The following YLPM1 variants were observed in gnomAD, a reference collection of about 807,000 sequenced individuals.
YLPM1 encodes YLP motif containing 1.
YLPM1 carries 99 observed loss-of-function variants against 230.0 expected under a neutral mutation model. That is an observed-to-expected ratio of 0.43 (90% CI 0.37 to 0.51). The LOEUF is 0.51. YLPM1 is among the 20% of genes least tolerant of loss of function. The pLI, the probability that YLPM1 is intolerant of heterozygous loss-of-function variation, is 0.00. For missense variants in YLPM1, 2,592 were observed against 2,707.7 expected (o/e 0.96, Z 0.95); for synonymous variants, 984 against 942.5 (o/e 1.04, Z -0.81).
chr14:74,836,744 A>G lies in YLPM1; in HGVS notation c.*1006A>G, dbSNP rs948410578. The G allele has an allele frequency of 5.9e-5, 9 of 152,634 alleles. No homozygotes were observed. Among genetic ancestry groups the G allele is most frequent in the African/African-American group, 1.7e-4 (7 of 41,460 alleles). 9.5% of individuals were successfully genotyped at this position (152,634 alleles called of 1,614,324 possible). The stretch of plus-strand genomic sequence containing the variant: ...AACCTTTAAGCCTGTCAGGTTTTCA[A>G]GTTCTTGCCAGATTGTTCATTACTG... On this transcript the variant is annotated 3_prime_UTR_variant, in exon 21 of 21. Coordinates refer to ENST00000325680, the MANE Select transcript of YLPM1 (RefSeq NM_019589.3).
intron 9 of YLPM1, among the ~76,000 whole-genome samples, chr14:74,811,005 T>G (rs2091428990): frequency 6.6e-6 from 1 of 151,898 alleles, no homozygotes; most frequent in South Asian, 2.1e-4. Flanking sequence ...TTTTTTGTTT[T>G]TGATGACGAT....
chr14:74,808,204 T>C (rs1180140444), intron 6 of YLPM1, among the ~76,000 whole-genome samples: 1 of 152,264 alleles, frequency 6.6e-6, no homozygotes, highest in Non-Finnish European at 1.5e-5. Flanking sequence ...AGATTTGCCT[T>C]TCTGGGCATT....
At chr14:74,778,304 CTTAT>C (rs1480697968) in intron 1 of YLPM1, 139 bp from the exon 2 acceptor site, 6 of 681,298 alleles carry the variant, frequency 8.8e-6, no homozygotes, top group South Asian at 6.6e-5. Flanking sequence ...ATCTTGTTAA[CTTAT>C]TTGTCTTCCT....
intron 4 of YLPM1, among the ~76,000 whole-genome samples, chr14:74,784,698 C>T (rs1182113198): frequency 6.6e-6 from 1 of 152,208 alleles, no homozygotes; most frequent in Non-Finnish European, 1.5e-5. Context: ...TCTGTTGATT[C>T]TAGATTTGCC....
rs183798772 is a variant in YLPM1 at position 74,802,694 on chromosome 14, C to T, written c.4521+18C>T. 2 of 1,576,612 alleles carry T rather than the reference C, an allele frequency of 1.3e-6. No homozygotes were observed. The highest frequency in any genetic ancestry group is 1.7e-6 in the Non-Finnish European group (2 of 1,164,044). On this transcript the variant is annotated intron_variant, in intron 6 of 20. Transcript: ENST00000325680. ...TGTATCCGGTATGGGAGAATGTGTG[C>T]TCAGAAAATGAAATGGTTTCTACTT...
Position 74,798,202 on chromosome 14 carries a change from A to T in YLPM1, c.2905A>T (p.Thr969Ser). 1 of 1,614,014 alleles carries T rather than the reference A, an allele frequency of 6.2e-7. No individual in the cohort carries two copies. The highest frequency in any genetic ancestry group is 8.5e-7 in the Non-Finnish European group (1 of 1,179,892). Residue 969 changes from threonine to serine, a missense_variant, in exon 5 of 21, where the codon ACA (threonine) becomes TCA (serine). By Grantham distance (58) the Thr-to-Ser change is moderately conservative. Coordinates refer to ENST00000325680, the MANE Select transcript of YLPM1 (RefSeq NM_019589.3). ...AAAAACAGGGGGGATGGAGGGAGGA[A>T]CAGCAGTAGCAACATCATCATTAAC... ...PSKTGGMEGG[T>S]AVATSSLTAD...
chr14:74,822,644 CA>C, intron 17 of YLPM1, among the ~76,000 whole-genome samples: 1 of 152,200 alleles, frequency 6.6e-6, no homozygotes, highest in Non-Finnish European at 1.5e-5. Flanking sequence ...TTAACCCATT[CA>C]AAGATGCAGA....
At position 74,826,458 on chromosome 14, in the gene YLPM1, G is replaced by A. The variant is rs534841740; in HGVS notation, c.6163+2151G>A. 2.0e-5 allele frequency among the ~76,000 whole-genome samples: 3 copies of A among 152,272 alleles called. No homozygotes were observed. In the South Asian group the frequency reaches 6.2e-4, roughly 32 times the overall value. ...CTCTTGGAAAATGATTATACTGGGT[G>A]GAAATGTATTAAGTTTTAGCAGTGT... On this transcript the variant is annotated intron_variant, in intron 18 of 20. Transcript: ENST00000325680.
intron 6 of YLPM1, among the ~76,000 whole-genome samples, chr14:74,807,186 C>G (rs980700669): frequency 1.3e-5 from 2 of 152,044 alleles, no homozygotes; most frequent in African/African-American, 4.8e-5. Context: ...TTTTAAAGTA[C>G]TGTGTATATA....
chr14:74,780,383 A>T (rs1312621490), intron 2 of YLPM1, 22 bp from the exon 3 acceptor site: 1 of 1,593,690 alleles, frequency 6.3e-7, no homozygotes, highest in Non-Finnish European at 8.5e-7. Context: ...TTACATAAAG[A>T]TGTGTCCTCT....
Position 74,781,598 on chromosome 14 carries a change from C to T in YLPM1, c.1555C>T (p.Pro519Ser), listed in dbSNP as rs367613144. 1.2e-6 allele frequency: 2 copies of T among 1,613,844 alleles called. No homozygotes were observed. The highest frequency in any genetic ancestry group is 1.3e-5 in the African/African-American group (1 of 74,894). The change falls in exon 4 of 21, where the codon CCT becomes TCT. Residue 519 changes from proline (P) to serine (S), a missense_variant. Physicochemically the swap from Pro to Ser is moderately conservative, Grantham distance 74. Around this residue, in one of 4 missense-constraint regions of YLPM1, gnomAD observed 1,862 missense variants for 1,819.8 expected, o/e 1.02. Coordinates refer to ENST00000325680, the MANE Select transcript of YLPM1 (RefSeq NM_019589.3). ...QYMGNMSMPP[P>S]FVPYSQMPPP... ...TATGGGGAACATGTCAATGCCACCT[C>T]CTTTTGTTCCATATTCTCAGATGCC...
chr14:74,787,464 G>A (rs34956813), intron 4 of YLPM1, among the ~76,000 whole-genome samples: 53,817 of 151,720 alleles, frequency 0.35, 11,532 homozygotes, highest in East Asian at 0.54. Flanking sequence ...TCGGGAGGCC[G>A]AGGCACAAGA....
In YLPM1 at chr14:74,764,056, G is replaced by T. The variant is rs756736824; in HGVS notation, c.567G>T (p.Pro189=). Residue 189 remains proline, a synonymous_variant, in exon 1 of 21, where the codon CCG becomes CCT. Transcript: ENST00000325680. ...AGCCCTACCTGCCTCCTGCTCAGCC[G>T]TCCCCTTCGCAGTCCCCACCTTCCC... ...SSQPYLPPAQ[P]SPSQSPPSQS... is the part of the protein sequence containing the mutation. 6.2e-7 allele frequency: 1 copy of T among 1,605,194 alleles called. No homozygotes were observed. Among genetic ancestry groups the T allele is most frequent in the South Asian group, 1.1e-5 (1 of 90,380 alleles).
chr14:74,830,721 G>T (rs1315753611), intron 19 of YLPM1, among the ~76,000 whole-genome samples: 1 of 152,144 alleles, frequency 6.6e-6, no homozygotes, highest in Non-Finnish European at 1.5e-5. Flanking sequence ...TGGAAGACAA[G>T]GGGGGAGCCA....
chr14:74,828,847 G>T (rs2091587055), intron 18 of YLPM1, among the ~76,000 whole-genome samples: 1 of 152,034 alleles, frequency 6.6e-6, no homozygotes, highest in Non-Finnish European at 1.5e-5. Flanking sequence ...TTGTGTTAAA[G>T]AAAAAAAGAA....
rs768429320 is a variant in YLPM1 at position 74,799,696 on chromosome 14, C to T, written c.4399C>T (p.Arg1467Trp). The change falls in exon 5 of 21, where the codon CGG (arginine) becomes TGG (tryptophan). Residue 1467 changes from arginine to tryptophan, a missense_variant and splice_region_variant. Around this residue, in one of 4 missense-constraint regions of YLPM1, gnomAD observed 12 missense variants for 31.8 expected, o/e 0.38. Coordinates refer to ENST00000325680, the MANE Select transcript of YLPM1 (RefSeq NM_019589.3). ...LKAAQELKML[R>W]EQKEQLQKMK... ...AGCTGCACAAGAACTGAAAATGCTT[C>T]GGTAAGTTGACTCCTTCAGATCCTT... 1.2e-6 allele frequency: 2 copies of T among 1,601,954 alleles called. No homozygotes were observed. Among genetic ancestry groups the T allele is most frequent in the Non-Finnish European group, 1.7e-6 (2 of 1,172,302 alleles).
intron 19 of YLPM1, 127 bp from the exon 20 acceptor site, chr14:74,835,138 A>C: frequency 8.4e-7 from 1 of 1,194,374 alleles, no homozygotes; most frequent in Non-Finnish European, 1.1e-6. Flanking sequence ...TTCCTGGGTT[A>C]GTTTTTAATT....
intron 6 of YLPM1, among the ~76,000 whole-genome samples, chr14:74,805,124 A>T (rs1218503754): frequency 6.7e-6 from 1 of 150,366 alleles, no homozygotes; most frequent in South Asian, 2.1e-4. Context: ...GGTTTAAGCG[A>T]TTCTCCTGCC....
At position 74,763,947 on chromosome 14, in the gene YLPM1, C is replaced by T. The variant is rs781679324; in HGVS notation, c.458C>T (p.Pro153Leu). The change falls in exon 1 of 21, where the codon CCG (proline) becomes CTG (leucine). Residue 153 changes from proline to leucine, a missense_variant. Pro to Leu is a moderately conservative substitution (Grantham distance 98). Around this residue, in one of 4 missense-constraint regions of YLPM1, gnomAD observed 1,862 missense variants for 1,819.8 expected, o/e 1.02. Transcript: ENST00000325680. ...TCCCCCCCTGAATCTCCCCCTGTGC[C>T]GCCTGGGTCCTATATGCCCCCATCT... ...LESPPESPPV[P>L]PGSYMPPSQS... The T allele has an allele frequency of 3.3e-6, 4 of 1,210,018 alleles. No homozygotes were observed. In the Admixed American group the frequency reaches 8.2e-5, roughly 25 times the overall value. 75.0% of individuals were successfully genotyped at this position (1,210,018 alleles called of 1,614,324 possible).
Sources: allele counts gnomAD v4.1 joint callset (sites outside exome capture counted in the v4.1 genomes callset), GRCh38; gene constraint gnomAD v4.1.1; regional missense constraint gnomAD v4.1.1; transcripts MANE v1.5; gene names NCBI Gene and HGNC (gene_info 2026-07-23, HGNC 2026-07-21).